Variants in MED12L observed in about 807,000 individuals in gnomAD.
MED12L encodes mediator complex subunit 12L.
MED12L carries 60 observed loss-of-function variants against 281.3 expected under a neutral mutation model. The observed-to-expected ratio is 0.21, with a 90% CI of 0.17 to 0.26. The LOEUF (loss-of-function observed/expected upper bound fraction) is 0.26, where lower values mean the gene tolerates loss of function less well. Among genes scored for constraint, MED12L ranks in the 10% least tolerant of loss-of-function variants. The pLI is 1.00. For synonymous variants in MED12L, 974 were observed against 987.2 expected, an observed-to-expected ratio of 0.99 and a Z score of 0.25; for missense variants, 2,146 against 2,680.9, an observed-to-expected ratio of 0.80 and a Z score of 4.41.
chr3:151,139,413 A>G (rs1038971450), intron 5 of MED12L, among the ~76,000 whole-genome samples: 1 of 152,194 alleles, frequency 6.6e-6, no homozygotes, highest in African/African-American at 2.4e-5. Context: ...TGACAGATTA[A>G]GGAGATGCAT....
At chr3:151,318,102 C>G (rs1036959882) in intron 16 of MED12L, among the ~76,000 whole-genome samples, 1 of 151,650 alleles carries the variant, frequency 6.6e-6, no homozygotes, top group Non-Finnish European at 1.5e-5. Flanking sequence ...TATCTGCTTC[C>G]TAACCATACA....
intron 16 of MED12L, among the ~76,000 whole-genome samples, chr3:151,230,927 A>G (rs1170149830): frequency 6.6e-6 from 1 of 152,206 alleles, no homozygotes; most frequent in African/African-American, 2.4e-5. Context: ...ATTTCCGATC[A>G]GGTACAGGAA....
intron 3 of MED12L, among the ~76,000 whole-genome samples, chr3:151,116,747 T>G (rs1033514234): frequency 6.6e-6 from 1 of 152,210 alleles, no homozygotes; most frequent in African/African-American, 2.4e-5. Context: ...TCTGACATAC[T>G]AGTGCTATAT....
intron 43 of MED12L, among the ~76,000 whole-genome samples, chr3:151,422,363 T>C (rs949475491): frequency 6.6e-6 from 1 of 152,198 alleles, no homozygotes; most frequent in Non-Finnish European, 1.5e-5. Context: ...AGCAGGGTTG[T>C]TGGTTCCCTC....
intron 3 of MED12L, among the ~76,000 whole-genome samples, chr3:151,120,553 A>C (rs1030116067): frequency 1.3e-5 from 2 of 152,238 alleles, no homozygotes; most frequent in African/African-American, 4.8e-5. Context: ...AAAATGAAGA[A>C]GCTTTCTGTA....
intron 16 of MED12L, among the ~76,000 whole-genome samples, chr3:151,345,553 T>C (rs1752430324): frequency 2.0e-5 from 3 of 150,840 alleles, no homozygotes. Flanking sequence ...GTTTTGCTCT[T>C]GTCACCCAGG....
chr3:151,352,275 T>C lies in MED12L; in HGVS notation c.2398+2069T>C, dbSNP rs111793641. On this transcript the variant is annotated intron_variant, in intron 17 of 44. Transcript: ENST00000687756. ...TTATGTCTGCACTCAAAGTTTCATA[T>C]TTTGGAGAATTTCAGATTTTGGATT... 1.1e-4 allele frequency among the ~76,000 whole-genome samples: 16 copies of C among 152,358 alleles called. 2 individuals are homozygous for C. Among genetic ancestry groups the C allele is most frequent in the African/African-American group, 3.8e-4 (16 of 41,582 alleles).
At chr3:151,210,113 A>G (rs971714289) in intron 16 of MED12L, among the ~76,000 whole-genome samples, 1 of 152,152 alleles carries the variant, frequency 6.6e-6, no homozygotes, top group Admixed American at 6.5e-5. Context: ...TCTAGATCTT[A>G]TATCTTCATG....
chr3:151,273,906 A>G (rs1203499046), intron 16 of MED12L, among the ~76,000 whole-genome samples: 1 of 152,206 alleles, frequency 6.6e-6, no homozygotes, highest in Admixed American at 6.5e-5. Context: ...ACATTTATTG[A>G]AAACTTCACT....
At chr3:151,347,448 T>C (rs1305605213) in intron 16 of MED12L, among the ~76,000 whole-genome samples, 1 of 152,002 alleles carries the variant, frequency 6.6e-6, no homozygotes, top group Non-Finnish European at 1.5e-5. Context: ...ACCTAGAAAA[T>C]AAGTGAATTA....
intron 16 of MED12L, among the ~76,000 whole-genome samples, chr3:151,202,625 G>A (rs932077032): frequency 8.5e-5 from 13 of 152,136 alleles, no homozygotes; most frequent in African/African-American, 1.2e-4. Context: ...AGCTGAGATC[G>A]CACCACTGCA....
chr3:151,185,371 A>G lies in MED12L; in HGVS notation c.1536A>G (p.Glu512=). 2 of 1,613,886 alleles carry G rather than the reference A, an allele frequency of 1.2e-6. No homozygotes were observed. Among genetic ancestry groups the G allele is most frequent in the Non-Finnish European group, 8.5e-7 (1 of 1,179,958 alleles). The change falls in exon 12 of 45, where the codon GAA becomes GAG. Residue 512 remains glutamate (E), a synonymous_variant. Coordinates refer to ENST00000687756, the MANE Select transcript of MED12L (RefSeq NM_001393769.1). ...AAGCTGTGGTGACGCTGTTATGTGA[A>G]TGGGCCGTGAGCTGCAAACGGTCTG... is the stretch of plus-strand genomic sequence containing the variant. ...NDEAVVTLLC[E]WAVSCKRSGK...
chr3:151,294,623 G>T (rs753761060), intron 16 of MED12L: 1 of 1,614,152 alleles, frequency 6.2e-7, no homozygotes, highest in Non-Finnish European at 8.5e-7. Flanking sequence ...GTTCACATAG[G>T]TGACTGCCGT....
chr3:151,231,766 A>G (rs1195018212), intron 16 of MED12L, among the ~76,000 whole-genome samples: 1 of 152,188 alleles, frequency 6.6e-6, no homozygotes, highest in Non-Finnish European at 1.5e-5. Context: ...AGATTAGGTA[A>G]TATTACTGAG....
At chr3:151,193,731 C>T (rs761185891) in intron 16 of MED12L, 65 bp downstream of exon 16, 25 of 1,356,956 alleles carry the variant, frequency 1.8e-5, no homozygotes, top group African/African-American at 2.9e-5. Flanking sequence ...AACTGTTGAA[C>T]GTCAGATTAT....
chr3:151,203,946 A>G lies in MED12L; in HGVS notation c.2250+10280A>G, dbSNP rs577170304. Among the ~76,000 whole-genome samples the G allele has an allele frequency of 7.2e-5, 11 of 152,324 alleles. No individual in the cohort carries two copies. In the East Asian group the frequency reaches 1.9e-3, roughly 27 times the overall value. On this transcript the variant is annotated intron_variant, in intron 16 of 44. Transcript: ENST00000687756. ...AAACAGCCTGATGAATTGGAATAGT[A>G]TTTAGTAATTAATAGATTGTGTGTA...
At chr3:151,396,331 A>C (rs1242590469) in intron 39 of MED12L, among the ~76,000 whole-genome samples, 4 of 152,220 alleles carry the variant, frequency 2.6e-5, no homozygotes, top group Non-Finnish European at 4.4e-5. Flanking sequence ...CCTCTTTCAA[A>C]GTAATAACGC....
intron 16 of MED12L, among the ~76,000 whole-genome samples, chr3:151,207,413 G>C (rs1253264502): frequency 6.6e-6 from 1 of 152,006 alleles, no homozygotes; most frequent in Non-Finnish European, 1.5e-5. Flanking sequence ...TCCAGACTGT[G>C]GTGGGGTGAA....
chr3:151,245,535 T>G (rs2149409576), intron 16 of MED12L, among the ~76,000 whole-genome samples: 1 of 148,892 alleles, frequency 6.7e-6, no homozygotes, highest in Non-Finnish European at 1.5e-5. Flanking sequence ...ATTATCTCAA[T>G]AGATGCAGAA....
Sources: gnomAD v4.1 joint callset for allele counts (sites outside exome capture counted in the v4.1 genomes callset) on GRCh38, gnomAD v4.1.1 for gene constraint, MANE v1.5 for transcripts, NCBI Gene and HGNC (gene_info 2026-07-23, HGNC 2026-07-21) for gene names.